Variants in PLXNA4 observed in about 807,000 individuals in gnomAD.
PLXNA4 encodes the protein plexin-A4.
In PLXNA4, 44 loss-of-function variants were observed where a neutral mutation model predicts 191.8. The ratio of observed to expected loss-of-function variants is 0.23; its 90% CI spans 0.18 to 0.29. The LOEUF is 0.29. Among genes scored for constraint, PLXNA4 ranks in the 10% least tolerant of loss-of-function variants. PLXNA4 has a pLI of 1.00. For synonymous variants in PLXNA4, 1,082 were observed against 1,009.5 expected, an observed-to-expected ratio of 1.07 and a Z score of -1.36; for missense variants, 1,800 against 2,488.8, an observed-to-expected ratio of 0.72 and a Z score of 5.89.
chr7:132,326,632 G>A lies in PLXNA4; in HGVS notation c.1372-28410C>T, dbSNP rs926952955. On this transcript the variant is annotated intron_variant, in intron 3 of 31. Coordinates refer to ENST00000321063, the MANE Select transcript of PLXNA4 (RefSeq NM_020911.2). ...CACAAGGCTGGCCCTCGCTTCCCGC[G>A]GCCTTGCACCCCCATGGCATCTTGG... 5.3e-5 allele frequency among the ~76,000 whole-genome samples: 8 copies of A among 152,240 alleles called. No individual in the cohort carries two copies. The East Asian group carries it at 5.8e-4, about 11-fold the overall frequency.
chr7:132,194,317 C>T, intron 13 of PLXNA4, 138 bp from the exon 14 acceptor site: 1 of 1,342,060 alleles, frequency 7.5e-7, no homozygotes. Context: ...GGGAAGATAT[C>T]CTAATTCCTC....
chr7:132,278,277 G>T (rs780795648), intron 4 of PLXNA4, among the ~76,000 whole-genome samples: 1 of 152,104 alleles, frequency 6.6e-6, no homozygotes, highest in Non-Finnish European at 1.5e-5. Context: ...GGCTTCAGAG[G>T]GCAGTAAAAG....
chr7:132,163,219 T>G (rs1274906560), intron 24 of PLXNA4, among the ~76,000 whole-genome samples: 3 of 152,098 alleles, frequency 2.0e-5, no homozygotes, highest in African/African-American at 4.8e-5. Context: ...GAGAGTGAGC[T>G]CCCTGGGTTT....
chr7:132,130,511 G>T lies in PLXNA4; in HGVS notation c.5653C>A (p.Gln1885Lys). 6.2e-7 allele frequency: 1 copy of T among 1,614,168 alleles called. No homozygotes were observed. Among genetic ancestry groups the T allele is most frequent in the Non-Finnish European group, 8.5e-7 (1 of 1,180,036 alleles). Residue 1885 changes from glutamine to lysine, a missense_variant, in exon 32 of 32, where the codon CAA becomes AAA. Physicochemically the swap from Gln to Lys is moderately conservative, Grantham distance 53. Transcript: ENST00000321063. Reference protein sequence around the residue: ...GKQKLAYKLEQVITLMSLDS With the variant: ...GKQKLAYKLEKVITLMSLDS The stretch of plus-strand genomic sequence containing the variant: ...TCTAAGCTCATGAGGGTTATGACTT[G>T]TTCTAGTTTGTAGGCCAGTTTCTGC...
chr7:132,311,412 A>G (rs1801737426), intron 3 of PLXNA4, among the ~76,000 whole-genome samples: 1 of 151,524 alleles, frequency 6.6e-6, no homozygotes. Context: ...TGTCTTCCCC[A>G]CTCCCTAGGA....
chr7:132,579,751 G>C (rs1802367525), upstream of PLXNA4, among the ~76,000 whole-genome samples: 1 of 151,888 alleles, frequency 6.6e-6, no homozygotes. Context: ...GGGGCCAGGG[G>C]CCATATCTCA....
chr7:132,573,950 G>A (rs529307374), intron 1 of PLXNA4, among the ~76,000 whole-genome samples: 1 of 152,236 alleles, frequency 6.6e-6, no homozygotes, highest in Non-Finnish European at 1.5e-5. Context: ...GAAGGGCACA[G>A]AAGAGTGGCA....
chr7:132,240,986 G>A lies in PLXNA4; in HGVS notation c.1604+80C>T, dbSNP rs555100803. The A allele has an allele frequency of 2.2e-4, 207 of 939,184 alleles. 3 individuals carry two copies. The highest frequency in any genetic ancestry group is 1.6e-3 in the South Asian group (81 of 49,324). 58.2% of individuals were successfully genotyped at this position (939,184 alleles called of 1,614,324 possible). ...GAGAAAAGACAGATCAAAGGGAAGG[G>A]CAGTGATGACAGAGAAGCAGAGGAA... On this transcript the variant is annotated intron_variant, in intron 5 of 31. Coordinates refer to ENST00000321063, the MANE Select transcript of PLXNA4 (RefSeq NM_020911.2).
chr7:132,589,575 G>A, intron 2 of PLXNA4, among the ~76,000 whole-genome samples: 1 of 152,130 alleles, frequency 6.6e-6, no homozygotes, highest in South Asian at 2.1e-4. Flanking sequence ...ACTCAGGTGA[G>A]TAGACACCTC....
chr7:132,156,316 T>C (rs1795797516), intron 25 of PLXNA4, among the ~76,000 whole-genome samples: 1 of 152,142 alleles, frequency 6.6e-6, no homozygotes, highest in African/African-American at 2.4e-5. Flanking sequence ...AGAGCTCGTC[T>C]GAGCTCTGAG....
chr7:132,526,589 C>T (rs563196233), intron 1 of PLXNA4, among the ~76,000 whole-genome samples: 10 of 152,330 alleles, frequency 6.6e-5, no homozygotes, highest in Admixed American at 3.3e-4. Context: ...TGGTTCACTT[C>T]CTTGCTGCCT....
intron 3 of PLXNA4, among the ~76,000 whole-genome samples, chr7:132,386,803 G>A (rs752203066): frequency 2.6e-5 from 4 of 152,174 alleles, no homozygotes; most frequent in South Asian, 2.1e-4. Flanking sequence ...CCCCAAAGAC[G>A]GGACACTTTT....
At chr7:132,131,442 C>T (rs1794923188) in intron 31 of PLXNA4, among the ~76,000 whole-genome samples, 2 of 151,574 alleles carry the variant, frequency 1.3e-5, no homozygotes, top group African/African-American at 4.8e-5. Context: ...AGGCCTGCCC[C>T]CCGAGAGGCA....
chr7:132,604,481 C>T (rs73446900), intron 2 of PLXNA4, among the ~76,000 whole-genome samples: 12,262 of 152,164 alleles, frequency 0.081, 1,098 homozygotes, highest in African/African-American at 0.21. Context: ...TTCTCTGTCT[C>T]GTGAAAAGTA....
At chr7:132,194,034 A>G in intron 14 of PLXNA4, 28 bp downstream of exon 14, 1 of 1,603,738 alleles carries the variant, frequency 6.2e-7, no homozygotes, top group Non-Finnish European at 8.5e-7. Context: ...GCCTGCACCC[A>G]GCCAGATCAC....
Position 132,130,156 on chromosome 7 carries a change from G to A in PLXNA4, c.*323C>T. On this transcript the variant is annotated 3_prime_UTR_variant, in exon 32 of 32. Coordinates refer to ENST00000321063, the MANE Select transcript of PLXNA4 (RefSeq NM_020911.2). ...CCTCATTCGTTATTTGCACCCTGCT[G>A]CTGACATGCACAGGGTCAGGAGCAC... 3.3e-6 allele frequency: 1 copy of A among 300,714 alleles called. No individual in the cohort carries two copies. The highest frequency in any genetic ancestry group is 6.4e-6 in the Non-Finnish European group (1 of 155,478). 18.6% of individuals were successfully genotyped at this position (300,714 alleles called of 1,614,324 possible).
intron 3 of PLXNA4, among the ~76,000 whole-genome samples, chr7:132,334,127 G>A (rs946513028): frequency 2.6e-5 from 4 of 152,054 alleles, no homozygotes; most frequent in Non-Finnish European, 2.9e-5. Flanking sequence ...TGTAAAACAC[G>A]GAAGCTGTAG....
intron 3 of PLXNA4, among the ~76,000 whole-genome samples, chr7:132,463,141 G>A (rs577380309): frequency 5.3e-5 from 8 of 152,124 alleles, no homozygotes; most frequent in Non-Finnish European, 7.4e-5. Context: ...GTGAGCCATC[G>A]CGCCCAGCCT....
At chr7:132,624,274 C>T (rs954798102) in intron 2 of PLXNA4, among the ~76,000 whole-genome samples, 3 of 152,118 alleles carry the variant, frequency 2.0e-5, no homozygotes, top group African/African-American at 4.8e-5. Flanking sequence ...TGGTAGTACC[C>T]GTGGTGATGG....
Sources: gnomAD v4.1 joint callset for allele counts (sites outside exome capture counted in the v4.1 genomes callset) on GRCh38, gnomAD v4.1.1 for gene constraint, MANE v1.5 for transcripts, NCBI Gene and HGNC (gene_info 2026-07-23, HGNC 2026-07-21) for gene names.